The following XRCC4 variants were observed in gnomAD, a reference collection of about 807,000 sequenced individuals.
XRCC4 encodes the protein DNA repair protein XRCC4.
XRCC4 carries 28 observed loss-of-function variants against 39.1 expected under a neutral mutation model. That is an observed-to-expected ratio of 0.72 (90% CI 0.53 to 0.98). XRCC4 has a LOEUF of 0.98. Among genes scored for constraint, XRCC4 ranks in the 50% least tolerant of loss-of-function variants. The pLI is 0.00. For synonymous variants in XRCC4, 123 were observed against 126.4 expected, an observed-to-expected ratio of 0.97 and a Z score of 0.18; for missense variants, 350 against 376.4, an observed-to-expected ratio of 0.93 and a Z score of 0.58.
rs1746842653 is a variant in XRCC4, at chr5:83,118,363, G to A, written c.315+7160G>A. On this transcript the variant is annotated intron_variant, in intron 3 of 7. Transcript: ENST00000396027. The stretch of plus-strand genomic sequence containing the variant: ...TTTGCCTAGTCTGGAGTACAGTGAT[G>A]TGATCATAGCTCACTGTAACCTCTG... Among the ~76,000 whole-genome samples the A allele has an allele frequency of 2.7e-5, 4 of 150,870 alleles. No homozygotes were observed. In the South Asian group the frequency reaches 8.4e-4, roughly 32 times the overall value.
intron 6 of XRCC4, among the ~76,000 whole-genome samples, chr5:83,235,780 A>G (rs1223677603): frequency 6.6e-6 from 1 of 152,210 alleles, no homozygotes; most frequent in African/African-American, 2.4e-5. Flanking sequence ...AAGAAGTTAA[A>G]TTAGCCTTGT....
chr5:83,360,997 A>T, the XRCC4 span, among the ~76,000 whole-genome samples: 1 of 152,186 alleles, frequency 6.6e-6, no homozygotes, highest in Non-Finnish European at 1.5e-5. Flanking sequence ...GGAACCTGGT[A>T]ATAAAATAAA....
chr5:83,257,579 A>G (rs1753589288), intron 6 of XRCC4, among the ~76,000 whole-genome samples: 1 of 152,224 alleles, frequency 6.6e-6, no homozygotes, highest in African/African-American at 2.4e-5. Flanking sequence ...ACGCTTTTAC[A>G]CTGTTGGTGG....
chr5:83,233,399 G>T (rs1245635766), intron 6 of XRCC4, among the ~76,000 whole-genome samples: 2 of 151,916 alleles, frequency 1.3e-5, no homozygotes, highest in Non-Finnish European at 2.9e-5. Context: ...TCATCTTTAG[G>T]CACCCTAGAG....
chr5:83,119,589 A>G (rs112758151), intron 3 of XRCC4, among the ~76,000 whole-genome samples: 1 of 130,736 alleles, frequency 7.6e-6, no homozygotes, highest in Non-Finnish European at 1.8e-5. Context: ...TTCTGCCTTT[A>G]TTTAAAATGT....
At chr5:83,260,088 A>G (rs1753697590) in intron 7 of XRCC4, among the ~76,000 whole-genome samples, 1 of 152,088 alleles carries the variant, frequency 6.6e-6, no homozygotes, top group Admixed American at 6.6e-5. Flanking sequence ...GTCTTCAGAC[A>G]ATATATGCAA....
At chr5:83,359,135 T>C in the XRCC4 span, among the ~76,000 whole-genome samples, 2 of 152,074 alleles carry the variant, frequency 1.3e-5, no homozygotes, top group South Asian at 4.1e-4. Flanking sequence ...GTCTTGCAAA[T>C]GACCCACGCT....
intron 6 of XRCC4, among the ~76,000 whole-genome samples, chr5:83,231,775 C>T (rs144317509): frequency 6.6e-5 from 10 of 152,132 alleles, no homozygotes; most frequent in South Asian, 4.1e-4. Context: ...TTAAACATTG[C>T]GTTATATCCA....
the XRCC4 span, among the ~76,000 whole-genome samples, chr5:83,362,294 C>CAAAAAAGAAAAAAAAAAAAAAAAAA: frequency 1.4e-5 from 1 of 73,184 alleles, no homozygotes; most frequent in East Asian, 5.0e-4. Flanking sequence ...GCTATTTAGG[C>CAAAAAAGAAAAAAAAAAAAAAAAAA]AAAAAAAAAA....
chr5:83,107,383 T>G (rs1032358873), intron 2 of XRCC4, among the ~76,000 whole-genome samples: 6 of 133,432 alleles, frequency 4.5e-5, no homozygotes, highest in African/African-American at 1.6e-4. Context: ...CCTCATCCTG[T>G]TTTTTTTTGT....
chr5:83,140,293 G>T (rs999089877), intron 3 of XRCC4, among the ~76,000 whole-genome samples: 5 of 152,176 alleles, frequency 3.3e-5, no homozygotes, highest in Non-Finnish European at 1.5e-5. Context: ...CCAAAGGCCA[G>T]AGATCCCCCG....
At chr5:83,123,480 T>C (rs986752020) in intron 3 of XRCC4, among the ~76,000 whole-genome samples, 1 of 151,976 alleles carries the variant, frequency 6.6e-6, no homozygotes, top group African/African-American at 2.4e-5. Flanking sequence ...TTTAATCCAG[T>C]CTATCAATCT....
At chr5:83,237,499 A>G (rs1463959891) in intron 6 of XRCC4, among the ~76,000 whole-genome samples, 1 of 152,108 alleles carries the variant, frequency 6.6e-6, no homozygotes, top group African/African-American at 2.4e-5. Context: ...CATATGTGGG[A>G]GCTAAAAAAA....
chr5:83,250,028 C>A (rs1176074315), intron 6 of XRCC4, among the ~76,000 whole-genome samples: 1 of 151,934 alleles, frequency 6.6e-6, no homozygotes, highest in African/African-American at 2.4e-5. Context: ...ATGAAAATTT[C>A]AAAAATCCTT....
intron 7 of XRCC4, among the ~76,000 whole-genome samples, chr5:83,265,681 C>A (rs1329644734): frequency 1.3e-5 from 2 of 152,008 alleles, no homozygotes; most frequent in African/African-American, 4.8e-5. Context: ...ACAAAAAGGA[C>A]AAAAACTTTT....
chr5:83,096,676 C>T (rs970672975), intron 1 of XRCC4, among the ~76,000 whole-genome samples: 1 of 152,098 alleles, frequency 6.6e-6, no homozygotes, highest in Non-Finnish European at 1.5e-5. Context: ...TGTAGGTGTA[C>T]ACATATAATT....
At chr5:83,258,817 G>A in intron 7 of XRCC4, 140 bp downstream of exon 7, 1 of 1,035,198 alleles carries the variant, frequency 9.7e-7, no homozygotes, top group Non-Finnish European at 1.4e-6. Context: ...TAAAATGTTT[G>A]AATCAATGTA....
chr5:83,095,384 G>A (rs979777089), intron 1 of XRCC4, among the ~76,000 whole-genome samples: 1 of 152,172 alleles, frequency 6.6e-6, no homozygotes, highest in Non-Finnish European at 1.5e-5. Flanking sequence ...GTGGATTGGG[G>A]TGGATGGACC....
chr5:83,133,775 G>T (rs972445150), intron 3 of XRCC4, among the ~76,000 whole-genome samples: 1 of 149,274 alleles, frequency 6.7e-6, no homozygotes, highest in Non-Finnish European at 1.5e-5. Context: ...TGATTTTCCA[G>T]TTGAGAGGTG....
Sources: allele counts gnomAD v4.1 joint callset (sites outside exome capture counted in the v4.1 genomes callset), GRCh38; gene constraint gnomAD v4.1.1; transcripts MANE v1.5; gene names NCBI Gene and HGNC (gene_info 2026-07-23, HGNC 2026-07-21).